Variants in GALNT5 observed in about 807,000 individuals in gnomAD.
GALNT5 encodes UDP-GalNAc:polypeptide N-acetylgalactosaminyltransferase 5.
Under a neutral mutation model 85.4 loss-of-function variants are expected in GALNT5, and 72 were observed. The observed-to-expected ratio is 0.84, with a 90% CI of 0.70 to 1.03. GALNT5 has a LOEUF of 1.03. Among genes scored for constraint, GALNT5 ranks in the 50% least tolerant of loss-of-function variants. The probability of loss-of-function intolerance (pLI) is 0.00; values close to 1 mark genes in which losing one functional copy is unlikely to be tolerated. For synonymous variants in GALNT5, 404 were observed against 397.0 expected (o/e 1.02, Z -0.21); for missense variants, 1,137 against 1,135.5 (o/e 1.00, Z -0.02).
At chr2:157,279,962 A>G (rs908801973) in intron 1 of GALNT5, among the ~76,000 whole-genome samples, 85 of 152,054 alleles carry the variant, frequency 5.6e-4, no homozygotes, top group Non-Finnish European at 1.6e-4. Context: ...ACAGACCTCA[A>G]TTTTTTGTAT....
At chr2:157,305,915 C>T (rs2105168347) in intron 8 of GALNT5, 86 bp downstream of exon 8, 6 of 749,954 alleles carry the variant, frequency 8.0e-6, no homozygotes, top group Non-Finnish European at 1.1e-5. Flanking sequence ...TTCATCTTTG[C>T]CCAACAGAAA....
chr2:157,258,142 A>G lies in GALNT5; in HGVS notation c.60A>G (p.Val20=). 1 of 1,614,062 alleles carries G rather than the reference A, an allele frequency of 6.2e-7. No homozygotes were observed. Among genetic ancestry groups the G allele is most frequent in the Non-Finnish European group, 8.5e-7 (1 of 1,179,996 alleles). ...GGCGAGTCTTGGCATTTATCTTTGT[A>G]GCTTCTGTCATCTGGCTCCTCTTTG... ...GSGRVLAFIF[V]ASVIWLLFDM... Residue 20 remains valine, a synonymous_variant, in exon 1 of 10, where the codon GTA becomes GTG. Transcript: ENST00000259056.
At chr2:157,259,809 G>C (rs1350222096) in intron 1 of GALNT5, among the ~76,000 whole-genome samples, 1 of 152,190 alleles carries the variant, frequency 6.6e-6, no homozygotes, top group African/African-American at 2.4e-5. Flanking sequence ...AAAATGATTA[G>C]ATGAACTCAG....
chr2:157,295,565 C>G, intron 3 of GALNT5, 98 bp from the exon 4 acceptor site: 1 of 883,568 alleles, frequency 1.1e-6, no homozygotes, highest in East Asian at 2.5e-5. Flanking sequence ...GCATTTATAG[C>G]CACATTTCTG....
intron 7 of GALNT5, 53 bp from the exon 8 acceptor site, chr2:157,305,696 C>A: frequency 1.0e-6 from 1 of 1,001,444 alleles, no homozygotes; most frequent in South Asian, 1.3e-5. Flanking sequence ...GTCTGAATGT[C>A]TTGTTTTACT....
chr2:157,289,489 C>T (rs1683046935), intron 3 of GALNT5, among the ~76,000 whole-genome samples: 1 of 152,016 alleles, frequency 6.6e-6, no homozygotes, highest in African/African-American at 2.4e-5. Context: ...ATTCTAATAC[C>T]TTCTTTTCTA....
rs1213599952 is a variant in GALNT5, at chr2:157,313,939, G to T, written c.*2591G>T. 1 of 152,074 alleles carries T rather than the reference G, an allele frequency of 6.6e-6. No homozygotes were observed. Among genetic ancestry groups the T allele is most frequent in the African/African-American group, 2.4e-5 (1 of 41,412 alleles). 9.4% of individuals were successfully genotyped at this position (152,074 alleles called of 1,614,324 possible). A position where few individuals can be genotyped will look rare whatever the true frequency, so the allele number is the denominator to read the frequency against. ...TTGCTCAGTTACTCTAAGAAGCAAG[G>T]AACTGATCACTAGTTGGGAATCTAT... is the stretch of plus-strand genomic sequence containing the variant. On this transcript the variant is annotated 3_prime_UTR_variant, in exon 10 of 10. Transcript: ENST00000259056.
intron 1 of GALNT5, among the ~76,000 whole-genome samples, chr2:157,271,921 C>T (rs150492261): frequency 1.5e-3 from 234 of 152,218 alleles, no homozygotes; most frequent in African/African-American, 5.4e-3. Flanking sequence ...AACAAAGCCC[C>T]AGACCCAGCT....
At chr2:157,284,544 A>T in intron 2 of GALNT5, 96 bp downstream of exon 2, 2 of 858,552 alleles carry the variant, frequency 2.3e-6, no homozygotes, top group Non-Finnish European at 3.8e-6. Context: ...GGATAATTTG[A>T]TGAAGCATAA....
rs914448238 is a variant in GALNT5 at position 157,287,327 on chromosome 2, C to T, written c.1741+1193C>T. ...ACTGAAAATTTGCTTTTCTATAATTCATTCTTTTTTATTTAGCTGGCATTC... is the reference window on the plus strand; with the variant it reads ...ACTGAAAATTTGCTTTTCTATAATTTATTCTTTTTTATTTAGCTGGCATTC... On this transcript the variant is annotated intron_variant, in intron 3 of 9. Coordinates refer to ENST00000259056, the MANE Select transcript of GALNT5 (RefSeq NM_014568.3). Among the ~76,000 whole-genome samples the T allele has an allele frequency of 7.9e-5, 12 of 152,102 alleles. No individual in the cohort carries two copies. In the East Asian group the frequency reaches 2.1e-3, roughly 27 times the overall value.
At chr2:157,295,819 A>C (rs1159279588) in intron 4 of GALNT5, 21 bp downstream of exon 4, 1 of 1,569,954 alleles carries the variant, frequency 6.4e-7, no homozygotes, top group South Asian at 1.1e-5. Flanking sequence ...CACATTCCAC[A>C]AGATACTTTC....
intron 1 of GALNT5, among the ~76,000 whole-genome samples, chr2:157,264,705 C>A (rs537277072): frequency 6.6e-6 from 1 of 151,932 alleles, no homozygotes; most frequent in African/African-American, 2.4e-5. Context: ...TAATTTTGAT[C>A]CTAGTAGGGT....
At position 157,311,856 on chromosome 2, in the gene GALNT5, T is replaced by G. The variant is rs1389438781; in HGVS notation, c.*508T>G. 6.6e-6 allele frequency: 1 copy of G among 152,474 alleles called. No homozygotes were observed. Among genetic ancestry groups the G allele is most frequent in the Non-Finnish European group, 1.5e-5 (1 of 68,256 alleles). The allele number at this position is 152,474 out of a possible 1,614,324, so 9.4% of individuals were successfully genotyped here. On this transcript the variant is annotated 3_prime_UTR_variant, in exon 10 of 10. Transcript: ENST00000259056. ...TCACGTTTGTGAAATCCCTCCAGAC[T>G]ACATGCATGCTTACCTAACAGTTTG...
chr2:157,306,446 T>C (rs1683457889), intron 8 of GALNT5, among the ~76,000 whole-genome samples: 1 of 152,130 alleles, frequency 6.6e-6, no homozygotes. Context: ...CAATGGTTAG[T>C]AGAGGGAGTC....
intron 1 of GALNT5, among the ~76,000 whole-genome samples, chr2:157,262,988 C>T (rs971212139): frequency 6.6e-6 from 1 of 151,194 alleles, no homozygotes; most frequent in African/African-American, 2.5e-5. Context: ...CCACCATGCC[C>T]AGCTAATTTT....
intron 4 of GALNT5, 76 bp from the exon 5 acceptor site, chr2:157,296,318 G>A (rs889805238): frequency 2.5e-5 from 29 of 1,173,066 alleles, no homozygotes; most frequent in East Asian, 4.7e-5. Flanking sequence ...TGATTACATC[G>A]TGAAGCCAAA....
rs560591333 is a variant in GALNT5 at position 157,276,369 on chromosome 2, G to C, written c.1455-7913G>C. ...GAGTTAGGGAGGATTCCTGCTTTTT[G>C]TATTGATTGGAATAGTTTCAGAAGG... On this transcript the variant is annotated intron_variant, in intron 1 of 9. Transcript: ENST00000259056. Among the ~76,000 whole-genome samples, 671 of 152,144 alleles carry C rather than the reference G, an allele frequency of 4.4e-3. 5 individuals are homozygous for C. Among genetic ancestry groups the C allele is most frequent in the African/African-American group, 0.015 (629 of 41,522 alleles).
intron 1 of GALNT5, among the ~76,000 whole-genome samples, chr2:157,283,957 T>C (rs1317348077): frequency 6.6e-6 from 1 of 152,234 alleles, no homozygotes; most frequent in Non-Finnish European, 1.5e-5. Flanking sequence ...AGAGTCTAAC[T>C]ACCTGTAAAC....
rs142828403 is a variant in GALNT5, at chr2:157,286,045, T to C, written c.1652T>C (p.Met551Thr). 2.9e-4 allele frequency: 463 copies of C among 1,601,780 alleles called. No individual in the cohort carries two copies. Among genetic ancestry groups the C allele is most frequent in the Non-Finnish European group, 3.7e-4 (432 of 1,168,682 alleles). ...CTAAAAGATAATTTGGATAAATACA[T>C]GTCCCAGTTTCCAAAAGTTCGGATT... ...DYLKDNLDKY[M>T]SQFPKVRILR... Residue 551 changes from methionine to threonine, a missense_variant, in exon 3 of 10, where the codon ATG (methionine) becomes ACG (threonine). Coordinates refer to ENST00000259056, the MANE Select transcript of GALNT5 (RefSeq NM_014568.3).
Sources: allele counts gnomAD v4.1 joint callset (sites outside exome capture counted in the v4.1 genomes callset), GRCh38; gene constraint gnomAD v4.1.1; transcripts MANE v1.5; gene names NCBI Gene and HGNC (gene_info 2026-07-23, HGNC 2026-07-21).